Variants in LINGO2 observed in about 807,000 individuals in gnomAD.
LINGO2 encodes the protein leucine rich repeat and Ig domain containing 2, also known as leucine-rich repeat and immunoglobulin-like domain-containing nogo receptor-interacting protein 2.
LINGO2 carries 14 observed loss-of-function variants against 30.6 expected under a neutral mutation model. That is an observed-to-expected ratio of 0.46 (90% CI 0.30 to 0.72). The LOEUF is 0.72. Ranked by LOEUF, LINGO2 falls within the 30% of genes least tolerant of loss-of-function variation. The probability of loss-of-function intolerance (pLI) is 0.07; values close to 1 mark genes in which losing one functional copy is unlikely to be tolerated. For synonymous variants in LINGO2, 317 were observed against 288.5 expected, an observed-to-expected ratio of 1.10 and a Z score of -1.00; for missense variants, 729 against 751.7, an observed-to-expected ratio of 0.97 and a Z score of 0.35.
chr9:28,618,259 A>G (rs1386995573), intron 1 of LINGO2, among the ~76,000 whole-genome samples: 1 of 152,102 alleles, frequency 6.6e-6, no homozygotes, highest in Non-Finnish European at 1.5e-5. Context: ...AGGCGGCATC[A>G]CCACATATTC....
the LINGO2 span, among the ~76,000 whole-genome samples, chr9:29,075,346 T>C: frequency 3.9e-5 from 6 of 152,156 alleles, no homozygotes; most frequent in Non-Finnish European, 8.8e-5. Context: ...TTATAAACAT[T>C]CTCTTTTCAT....
At position 28,147,390 on chromosome 9, in the gene LINGO2, G is replaced by A. The variant is rs542499061; in HGVS notation, c.-86-134985C>T. 9.2e-5 allele frequency among the ~76,000 whole-genome samples: 14 copies of A among 152,312 alleles called. No homozygotes were observed. The highest frequency in any genetic ancestry group is 4.6e-4 in the Admixed American group (7 of 15,302). ...GCCAGGGAGGCATGTGGTAAGAGGC[G>A]CATCCAGTCAGGTCAGGGCACCGCG... On this transcript the variant is annotated intron_variant, in intron 4 of 5. Transcript: ENST00000379992. This position sits in a 1 kb window ranked among gnomAD's most constrained non-coding sequence, Gnocchi z 4.7.
At chr9:27,995,854 T>A (rs962265406) in intron 5 of LINGO2, among the ~76,000 whole-genome samples, 6 of 152,084 alleles carry the variant, frequency 3.9e-5, no homozygotes. Context: ...GTACTAAAAG[T>A]TTTAGCAAAA....
At chr9:29,039,994 A>C in the LINGO2 span, among the ~76,000 whole-genome samples, 1 of 152,130 alleles carries the variant, frequency 6.6e-6, no homozygotes, top group African/African-American at 2.4e-5. Flanking sequence ...CTAGAGTTTC[A>C]TTTTTAGATT....
the LINGO2 span, among the ~76,000 whole-genome samples, chr9:28,741,364 G>A: frequency 5.9e-5 from 9 of 151,958 alleles, 1 homozygote; most frequent in Non-Finnish European, 8.8e-5. Context: ...TCTGGGGCTG[G>A]CCTAGAACCC....
At chr9:28,947,747 C>A in the LINGO2 span, among the ~76,000 whole-genome samples, 9 of 151,102 alleles carry the variant, frequency 6.0e-5, no homozygotes, top group Non-Finnish European at 1.3e-4. Context: ...TATACATTTC[C>A]TTTATATATA....
intron 1 of LINGO2, among the ~76,000 whole-genome samples, chr9:28,599,853 T>C (rs540189403): frequency 1.3e-5 from 2 of 152,276 alleles, no homozygotes; most frequent in East Asian, 3.9e-4. Context: ...AGCACAAGAT[T>C]AGCTCTGAGG....
At chr9:28,924,464 GCCAGCCTCAGTCT>G in the LINGO2 span, among the ~76,000 whole-genome samples, 2 of 152,028 alleles carry the variant, frequency 1.3e-5, no homozygotes, top group East Asian at 1.9e-4. Context: ...CAGGCAATCC[GCCAGCCTCAGTCT>G]CCCAAATTGC....
At chr9:28,253,645 G>C (rs899433046) in intron 4 of LINGO2, among the ~76,000 whole-genome samples, 1 of 152,116 alleles carries the variant, frequency 6.6e-6, no homozygotes, top group Non-Finnish European at 1.5e-5. Flanking sequence ...TAAGATGGTA[G>C]GAGTTAAAAC....
the LINGO2 span, among the ~76,000 whole-genome samples, chr9:29,212,113 C>G: frequency 1.3e-5 from 2 of 152,142 alleles, no homozygotes; most frequent in African/African-American, 4.8e-5. Flanking sequence ...CCTCAGGGTG[C>G]GGGTCAGGAT....
chr9:28,307,221 C>G (rs1824404746), intron 3 of LINGO2, among the ~76,000 whole-genome samples: 1 of 152,114 alleles, frequency 6.6e-6, no homozygotes, highest in Admixed American at 6.6e-5. Context: ...CATCAAAAAG[C>G]TTATCCACCA....
chr9:28,700,998 G>C, the LINGO2 span, among the ~76,000 whole-genome samples: 3 of 151,662 alleles, frequency 2.0e-5, no homozygotes, highest in African/African-American at 7.3e-5. Context: ...ACTTTTCTTT[G>C]GGTTGTTAAT....
At chr9:28,663,880 C>A (rs553741485) in intron 1 of LINGO2, among the ~76,000 whole-genome samples, 11 of 150,928 alleles carry the variant, frequency 7.3e-5, no homozygotes, top group African/African-American at 2.7e-4. Flanking sequence ...AAAAGTGGAC[C>A]AATATTCCTG....
the LINGO2 span, among the ~76,000 whole-genome samples, chr9:28,879,903 T>C: frequency 6.6e-6 from 1 of 152,214 alleles, no homozygotes; most frequent in South Asian, 2.1e-4. Context: ...AGCCTATGTG[T>C]ATAACTCTGA....
At chr9:28,333,555 T>A (rs960093774) in intron 3 of LINGO2, among the ~76,000 whole-genome samples, 1 of 152,194 alleles carries the variant, frequency 6.6e-6, no homozygotes, top group African/African-American at 2.4e-5. Flanking sequence ...GATAACTACT[T>A]AGTTTTCAAA....
intron 4 of LINGO2, among the ~76,000 whole-genome samples, chr9:28,057,893 A>G (rs1018098634): frequency 2.6e-5 from 4 of 152,044 alleles, no homozygotes; most frequent in African/African-American, 9.7e-5. Flanking sequence ...ACCTTCTGTC[A>G]GGTCCTCTTT....
chr9:28,374,023 T>C (rs995350994), intron 2 of LINGO2, among the ~76,000 whole-genome samples: 17 of 151,956 alleles, frequency 1.1e-4, no homozygotes, highest in African/African-American at 3.6e-4. Flanking sequence ...TACAGGCATA[T>C]GTGAATCACA....
the LINGO2 span, among the ~76,000 whole-genome samples, chr9:28,697,219 G>T: frequency 2.0e-5 from 3 of 151,918 alleles, no homozygotes; most frequent in African/African-American, 7.2e-5. Flanking sequence ...ATAAGATAAT[G>T]ATCCCTAGCT....
chr9:28,766,150 A>C, the LINGO2 span, among the ~76,000 whole-genome samples: 1 of 152,090 alleles, frequency 6.6e-6, no homozygotes, highest in East Asian at 1.9e-4. Context: ...CAAGAAAATC[A>C]CAAGGCTGCC....
Sources: allele counts gnomAD v4.1 joint callset (sites outside exome capture counted in the v4.1 genomes callset), GRCh38; gene constraint gnomAD v4.1.1; non-coding constraint Gnocchi (gnomAD v3.1); transcripts MANE v1.5; gene names NCBI Gene and HGNC (gene_info 2026-07-23, HGNC 2026-07-21).